AZIN2: variants seen among roughly 807,000 people sequenced by gnomAD.
AZIN2 encodes ODC antizyme inhibitor-2.
In AZIN2, 28 loss-of-function variants were observed where a neutral mutation model predicts 47.8. That is an observed-to-expected ratio of 0.59 (90% confidence interval 0.43 to 0.80). AZIN2 has a LOEUF of 0.80. Among genes scored for constraint, AZIN2 ranks in the 30% least tolerant of loss-of-function variants. The pLI is 0.00. For missense variants in AZIN2, 535 were observed against 582.5 expected (o/e 0.92, Z 0.84); for synonymous variants, 221 against 239.4 (o/e 0.92, Z 0.71).
chr1:33,162,461 T>G, the AZIN2 span, among the ~76,000 whole-genome samples: 1 of 152,240 alleles, frequency 6.6e-6, no homozygotes, highest in Non-Finnish European at 1.5e-5. Flanking sequence ...CCACATTTTC[T>G]GTCTCCCTGG....
At chr1:33,158,982 A>C in the AZIN2 span, among the ~76,000 whole-genome samples, 2 of 152,040 alleles carry the variant, frequency 1.3e-5, no homozygotes, top group Non-Finnish European at 2.9e-5. Context: ...CTGGGACTAC[A>C]GGTGCCTGCC....
downstream of AZIN2, among the ~76,000 whole-genome samples, chr1:33,126,268 T>C (rs1198189871): frequency 6.6e-6 from 1 of 152,206 alleles, no homozygotes; most frequent in African/African-American, 2.4e-5. Context: ...CTCCTTTCTC[T>C]TACTTTCTAT....
At chr1:33,145,901 C>G in the AZIN2 span, 1 of 471,170 alleles carries the variant, frequency 2.1e-6, no homozygotes. Context: ...AGCCAAGGTT[C>G]TGGATCTGAC....
the AZIN2 span, among the ~76,000 whole-genome samples, chr1:33,149,209 G>C: frequency 2.0e-5 from 3 of 152,176 alleles, no homozygotes; most frequent in Admixed American, 1.3e-4. Flanking sequence ...CGGGAATGCA[G>C]TGGCATGATC....
chr1:33,093,174 G>A, intron 6 of AZIN2, 108 bp from the exon 7 acceptor site: 1 of 1,459,966 alleles, frequency 6.8e-7, no homozygotes, highest in South Asian at 1.3e-5. Flanking sequence ...GGGAGCCTGT[G>A]GGGTTGGGTG....
At position 33,083,043 on chromosome 1, in the gene AZIN2, G is replaced by A. The variant is rs147770103; in HGVS notation, c.105+689G>A. On this transcript the variant is annotated intron_variant, in intron 4 of 11. Coordinates refer to ENST00000294517, the MANE Select transcript of AZIN2 (RefSeq NM_052998.4). ...TCATTCCTTGCTTCTCATCAGTGTTGCCTTTCCTGATCGCCCCAGGCAGAT... is the reference window on the plus strand; with the variant it reads ...TCATTCCTTGCTTCTCATCAGTGTTACCTTTCCTGATCGCCCCAGGCAGAT... 4.7e-3 allele frequency: 710 copies of A among 152,648 alleles called. 1 individual carries two copies. Among genetic ancestry groups the A allele is most frequent in the Non-Finnish European group, 5.3e-3 (360 of 68,336 alleles). The allele number at this position is 152,648 out of a possible 1,614,324, so 9.5% of individuals were successfully genotyped here. A position where few individuals can be genotyped will look rare whatever the true frequency, so the allele number is the denominator to read the frequency against.
At chr1:33,165,447 C>T in the AZIN2 span, 2 of 1,561,742 alleles carry the variant, frequency 1.3e-6, no homozygotes, top group East Asian at 2.4e-5. This position sits in a 1 kb window ranked among gnomAD's most constrained non-coding sequence, Gnocchi z 4.0. Context: ...GCCGGCCCCA[C>T]CTCCGCGCCC....
the AZIN2 span, among the ~76,000 whole-genome samples, chr1:33,128,542 A>T: frequency 6.6e-6 from 1 of 152,180 alleles, no homozygotes; most frequent in Non-Finnish European, 1.5e-5. Context: ...CAGATTGGGA[A>T]AGTCTCTGCC....
intron 5 of AZIN2, among the ~76,000 whole-genome samples, chr1:33,086,979 T>C (rs1206567476): frequency 6.6e-6 from 1 of 152,208 alleles, no homozygotes; most frequent in Non-Finnish European, 1.5e-5. Flanking sequence ...CAGTGAGCAC[T>C]TACCAACATC....
the AZIN2 span, among the ~76,000 whole-genome samples, chr1:33,157,938 A>G: frequency 6.6e-6 from 1 of 151,812 alleles, no homozygotes; most frequent in Admixed American, 6.6e-5. Context: ...TGTATTTTTA[A>G]TAGAGACAGG....
chr1:33,148,283 CT>C, the AZIN2 span, among the ~76,000 whole-genome samples: 3 of 152,164 alleles, frequency 2.0e-5, no homozygotes, highest in South Asian at 6.2e-4. Context: ...GATGAAAAAT[CT>C]TTTTTATAAG....
At position 33,120,442 on chromosome 1, in the gene AZIN2, T is replaced by TG. The variant is rs1466608751; in HGVS notation, c.*265dup. 8.7e-6 allele frequency: 4 copies of TG among 459,410 alleles called. No individual in the cohort carries two copies. The highest frequency in any genetic ancestry group is 6.0e-5 in the African/African-American group (3 of 49,982). The allele number at this position is 459,410 out of a possible 1,614,324, so 28.5% of individuals were successfully genotyped here. A position where few individuals can be genotyped will look rare whatever the true frequency, so the allele number is the denominator to read the frequency against. ...TGCAAGGGGCCTGGTCAGCCAGGTG[T>TG]GGGGGTGTTCTTGGGGTCTCCTTTG... On this transcript the variant is annotated 3_prime_UTR_variant, in exon 12 of 12. Coordinates refer to ENST00000294517, the MANE Select transcript of AZIN2 (RefSeq NM_052998.4).
chr1:33,158,534 A>G, the AZIN2 span, among the ~76,000 whole-genome samples: 1 of 152,206 alleles, frequency 6.6e-6, no homozygotes, highest in Non-Finnish European at 1.5e-5. Context: ...TGGCCTCTCT[A>G]ACCATTCCCT....
chr1:33,131,879 TG>T, the AZIN2 span, among the ~76,000 whole-genome samples: 2 of 152,212 alleles, frequency 1.3e-5, no homozygotes, highest in African/African-American at 2.4e-5. Context: ...ATGAAAGGTT[TG>T]TTTTTTTTTC....
At chr1:33,153,806 CAG>C in the AZIN2 span, among the ~76,000 whole-genome samples, 2 of 152,206 alleles carry the variant, frequency 1.3e-5, no homozygotes, top group Non-Finnish European at 2.9e-5. Flanking sequence ...ATTCTAGAAA[CAG>C]AACTGAGACT....
chr1:33,141,705 A>G, the AZIN2 span, among the ~76,000 whole-genome samples: 4 of 152,220 alleles, frequency 2.6e-5, no homozygotes, highest in African/African-American at 9.6e-5. Flanking sequence ...TAATAGAAAT[A>G]TGATAGAACT....
intron 5 of AZIN2, among the ~76,000 whole-genome samples, chr1:33,086,706 G>A (rs1036078873): frequency 2.3e-4 from 35 of 152,310 alleles, no homozygotes; most frequent in African/African-American, 8.2e-4. Flanking sequence ...CCACCTGCCC[G>A]AGGACCACTG....
intron 6 of AZIN2, 53 bp from the exon 7 acceptor site, chr1:33,093,229 T>A: frequency 6.2e-7 from 1 of 1,605,580 alleles, no homozygotes; most frequent in Non-Finnish European, 8.5e-7. Context: ...GAGATGTGGC[T>A]GGGGTGGGGC....
At chr1:33,162,667 C>G in the AZIN2 span, among the ~76,000 whole-genome samples, 1 of 152,028 alleles carries the variant, frequency 6.6e-6, no homozygotes, top group East Asian at 1.9e-4. Context: ...TTCAATGTCT[C>G]AAGGACGAGA....
Sources: gnomAD v4.1 joint callset for allele counts (sites outside exome capture counted in the v4.1 genomes callset) on GRCh38, gnomAD v4.1.1 for gene constraint, Gnocchi (gnomAD v3.1) non-coding constraint, MANE v1.5 for transcripts, NCBI Gene and HGNC (gene_info 2026-07-23, HGNC 2026-07-21) for gene names.